EIF2B3: variants seen among roughly 807,000 people sequenced by gnomAD.
EIF2B3 encodes translation initiation factor eIF2B subunit gamma.
Under a neutral mutation model 54.1 loss-of-function variants are expected in EIF2B3, and 20 were observed. That is an observed-to-expected ratio of 0.37 (90% CI 0.26 to 0.54). The LOEUF is 0.54. Ranked by LOEUF, EIF2B3 falls within the 20% of genes least tolerant of loss-of-function variation. EIF2B3 has a pLI of 0.86. For synonymous variants in EIF2B3, 153 were observed against 188.1 expected, an observed-to-expected ratio of 0.81 and a Z score of 1.52; for missense variants, 448 against 547.8, an observed-to-expected ratio of 0.82 and a Z score of 1.82.
intron 5 of EIF2B3, among the ~76,000 whole-genome samples, chr1:44,903,979 A>T (rs1460972235): frequency 6.6e-6 from 1 of 152,196 alleles, no homozygotes; most frequent in Non-Finnish European, 1.5e-5. Flanking sequence ...CAGGAGGCCA[A>T]GGCAGGAGAA....
rs77257900 is a variant in EIF2B3, at chr1:44,874,976, G to C, written c.1054-150C>G. 3.3e-3 allele frequency: 3,147 copies of C among 963,358 alleles called. 101 individuals are homozygous for C. In the East Asian group the frequency reaches 0.066, roughly 20 times the overall value. 59.7% of individuals were successfully genotyped at this position (963,358 alleles called of 1,614,324 possible). A position where few individuals can be genotyped will look rare whatever the true frequency, so the allele number is the denominator to read the frequency against. On this transcript the variant is annotated intron_variant, in intron 9 of 11. Coordinates refer to ENST00000360403, the MANE Select transcript of EIF2B3 (RefSeq NM_020365.5). ...GATCAGTATTTCTCAGGGCCACAAG[G>C]TCATACAACACCTCTGAGACCAACT...
intron 2 of EIF2B3, among the ~76,000 whole-genome samples, chr1:44,978,912 C>T (rs1569889119): frequency 6.6e-6 from 1 of 151,860 alleles, no homozygotes; most frequent in East Asian, 2.0e-4. Context: ...GTTGTGATTA[C>T]AGACGTGAAC....
At chr1:44,901,529 G>A (rs1435497764) in intron 5 of EIF2B3, among the ~76,000 whole-genome samples, 1 of 150,386 alleles carries the variant, frequency 6.6e-6, no homozygotes, top group African/African-American at 2.4e-5. Flanking sequence ...GGGATGACAG[G>A]CATGAGCCAC....
chr1:44,907,590 C>A (rs1384164707), intron 5 of EIF2B3, among the ~76,000 whole-genome samples: 1 of 148,548 alleles, frequency 6.7e-6, no homozygotes, highest in Admixed American at 6.8e-5. Context: ...GTAGTTGGGA[C>A]TACAGTAGAT....
At chr1:44,973,107 A>G (rs1473427015) in intron 3 of EIF2B3, among the ~76,000 whole-genome samples, 2 of 152,216 alleles carry the variant, frequency 1.3e-5, no homozygotes, top group Non-Finnish European at 2.9e-5. Flanking sequence ...GTGGCAATGT[A>G]AAATGGTATA....
intron 11 of EIF2B3, among the ~76,000 whole-genome samples, chr1:44,855,560 C>CT (rs879797686): frequency 2.0e-3 from 282 of 144,278 alleles, no homozygotes; most frequent in East Asian, 2.2e-3. Flanking sequence ...CCTTGAGGAT[C>CT]TTTTTTTTTT....
In EIF2B3 at chr1:44,926,726, G is replaced by C. The variant is rs1212896938; in HGVS notation, c.468C>G (p.Asp156Glu). 3 of 1,613,260 alleles carry C rather than the reference G, an allele frequency of 1.9e-6. No homozygotes were observed. The African/African-American group carries it at 4.0e-5, about 22-fold the overall frequency. ...TTCCTGTGCTGTCCACTCCAATGAA[G>C]TCACGCTGCTCCACTGAATCATACA... The part of the protein sequence containing the change: ...KGKKKAVEQR[D>E]FIGVDSTGKR... Residue 156 changes from aspartate (D) to glutamate (E), a missense_variant, in exon 5 of 12, where the codon GAC becomes GAG. By Grantham distance (45) the Asp-to-Glu change is conservative. This residue lies in a region of EIF2B3 where 350 missense variants were observed against 414.2 expected (regional missense o/e 0.85). Coordinates refer to ENST00000360403, the MANE Select transcript of EIF2B3 (RefSeq NM_020365.5).
chr1:44,965,295 G>A (rs755127847), intron 3 of EIF2B3, among the ~76,000 whole-genome samples: 6 of 152,112 alleles, frequency 3.9e-5, no homozygotes, highest in Non-Finnish European at 8.8e-5. Flanking sequence ...CCACTGAATT[G>A]TACACTTTAA....
In EIF2B3 at chr1:44,942,417, ATTTTTTTTTTTTTT is replaced by A. The variant is rs34978668; in HGVS notation, c.295-766_295-753del. Among the ~76,000 whole-genome samples, 42 of 5,164 alleles carry A rather than the reference ATTTTTTTTTTTTTT, an allele frequency of 8.1e-3. 1 individual carries two copies. Among genetic ancestry groups the A allele is most frequent in the East Asian group, 0.041 (3 of 74 alleles). 3.4% of individuals were successfully genotyped at this position (5,164 alleles called of 152,430 possible). A position where few individuals can be genotyped will look rare whatever the true frequency, so the allele number is the denominator to read the frequency against. ...TATATATATATATATATATATATAT[ATTTTTTTTTTTTTT>A]TTTTTTTTTTTTTCCAGACAGGGTC... On this transcript the variant is annotated intron_variant, in intron 3 of 11. Coordinates refer to ENST00000360403, the MANE Select transcript of EIF2B3 (RefSeq NM_020365.5).
At chr1:44,886,556 C>A (rs1250693650) in intron 6 of EIF2B3, among the ~76,000 whole-genome samples, 1 of 152,188 alleles carries the variant, frequency 6.6e-6, no homozygotes, top group African/African-American at 2.4e-5. Context: ...ATATTTGAGT[C>A]CTTGTGGACA....
At position 44,984,142 on chromosome 1, in the gene EIF2B3, C is replaced by T. The variant is rs1032141106; in HGVS notation, c.-10+2351G>A. On this transcript the variant is annotated intron_variant, in intron 1 of 11. Transcript: ENST00000360403. The stretch of plus-strand genomic sequence containing the variant: ...TGCAGTGAGCTGAGAGCACACCACT[C>T]GCACTTCAGCCTGGGCGACAGAGTG... 5.3e-5 allele frequency among the ~76,000 whole-genome samples: 8 copies of T among 151,922 alleles called. No individual in the cohort carries two copies. The East Asian group carries it at 1.2e-3, about 22-fold the overall frequency.
At position 44,881,551 on chromosome 1, in the gene EIF2B3, C is replaced by T. The variant is rs1229940574; in HGVS notation, c.784+61G>A. The stretch of plus-strand genomic sequence containing the variant: ...TCTTGGGCTGGGCTAAGCTGCCCAA[C>T]CACTCTTTCCAAAGGTGCTGCTACC... On this transcript the variant is annotated intron_variant, in intron 7 of 11. Transcript: ENST00000360403. The surrounding 1 kb of genome is among the most constrained non-coding windows in gnomAD (Gnocchi z 4.0). 6 of 1,606,594 alleles carry T rather than the reference C, an allele frequency of 3.7e-6. No homozygotes were observed. The highest frequency in any genetic ancestry group is 5.1e-6 in the Non-Finnish European group (6 of 1,175,650).
intron 4 of EIF2B3, among the ~76,000 whole-genome samples, chr1:44,932,987 T>C (rs1171748521): frequency 6.6e-6 from 1 of 152,062 alleles, no homozygotes; most frequent in Non-Finnish European, 1.5e-5. Context: ...GATATGACAG[T>C]GAAGGGTGAA....
At chr1:44,934,421 A>C (rs1202114093) in intron 4 of EIF2B3, among the ~76,000 whole-genome samples, 3 of 150,090 alleles carry the variant, frequency 2.0e-5, no homozygotes, top group Admixed American at 6.7e-5. Context: ...AAACAAAACA[A>C]AATTCAATTT....
intron 11 of EIF2B3, among the ~76,000 whole-genome samples, chr1:44,851,596 G>C (rs779258329): frequency 1.6e-4 from 24 of 152,096 alleles, no homozygotes; most frequent in Non-Finnish European, 3.5e-4. Flanking sequence ...AGGGATTCTA[G>C]GCTGTTAGAA....
At chr1:44,926,202 T>C (rs1177859015) in intron 5 of EIF2B3, among the ~76,000 whole-genome samples, 1 of 152,194 alleles carries the variant, frequency 6.6e-6, no homozygotes, top group African/African-American at 2.4e-5. Flanking sequence ...TACTCCAGCC[T>C]GGGTGACAGA....
chr1:44,986,109 CCCG>C (rs1172612511), intron 1 of EIF2B3, among the ~76,000 whole-genome samples: 7 of 151,934 alleles, frequency 4.6e-5, no homozygotes, highest in Non-Finnish European at 8.8e-5. Context: ...CAGAACCCTC[CCCG>C]AAACTTCGTT....
At chr1:44,942,490 C>A (rs1172950313) in intron 3 of EIF2B3, among the ~76,000 whole-genome samples, 1 of 128,352 alleles carries the variant, frequency 7.8e-6, no homozygotes, top group Non-Finnish European at 1.6e-5. Context: ...TGCAGCGGTG[C>A]GGTCACAGCT....
chr1:44,916,687 G>A (rs1034465761), intron 5 of EIF2B3, among the ~76,000 whole-genome samples: 4 of 150,988 alleles, frequency 2.6e-5, no homozygotes, highest in African/African-American at 9.7e-5. Flanking sequence ...GCCAAATGTG[G>A]TGGTGCACAC....
Sources: allele counts gnomAD v4.1 joint callset (sites outside exome capture counted in the v4.1 genomes callset), GRCh38; gene constraint gnomAD v4.1.1; regional missense constraint gnomAD v4.1.1; non-coding constraint Gnocchi (gnomAD v3.1); transcripts MANE v1.5; gene names NCBI Gene and HGNC (gene_info 2026-07-23, HGNC 2026-07-21).